LRMDA: variants seen among roughly 807,000 people sequenced by gnomAD.
The protein encoded by LRMDA is leucine rich melanocyte differentiation associated, also known as leucine-rich melanocyte differentiation-associated protein.
Under a neutral mutation model 29.8 loss-of-function variants are expected in LRMDA, and 18 were observed. The observed-to-expected ratio is 0.60, with a 90% CI of 0.42 to 0.90. The LOEUF (loss-of-function observed/expected upper bound fraction) is 0.90, where lower values mean the gene tolerates loss of function less well. Among genes scored for constraint, LRMDA ranks in the 40% least tolerant of loss-of-function variants. LRMDA has a pLI of 0.00. For synonymous variants in LRMDA, 125 were observed against 109.4 expected, an observed-to-expected ratio of 1.14 and a Z score of -0.89; for missense variants, 273 against 273.9, an observed-to-expected ratio of 1.00 and a Z score of 0.02.
intron 2 of LRMDA, among the ~76,000 whole-genome samples, chr10:75,797,924 A>C (rs968207466): frequency 1.3e-5 from 2 of 152,146 alleles, no homozygotes; most frequent in Non-Finnish European, 2.9e-5. Context: ...TGCATCTTAC[A>C]TTTATGCCAT....
intron 6 of LRMDA, among the ~76,000 whole-genome samples, chr10:76,535,512 C>A (rs1411167229): frequency 6.6e-6 from 1 of 152,072 alleles, no homozygotes; most frequent in East Asian, 1.9e-4. Context: ...GCCCATTATA[C>A]AGATTAATAA....
chr10:75,837,926 T>A (rs1844470057), intron 2 of LRMDA, among the ~76,000 whole-genome samples: 1 of 152,170 alleles, frequency 6.6e-6, no homozygotes. Context: ...TTAGTTAGCT[T>A]TTTTTGTTGT....
intron 2 of LRMDA, among the ~76,000 whole-genome samples, chr10:75,644,263 A>C (rs1841488521): frequency 6.6e-6 from 1 of 152,120 alleles, no homozygotes; most frequent in South Asian, 2.1e-4. Flanking sequence ...ACAAGGTTTG[A>C]AGGAGGATGA....
chr10:75,492,982 C>T (rs1028816039), intron 2 of LRMDA, among the ~76,000 whole-genome samples: 12 of 152,124 alleles, frequency 7.9e-5, no homozygotes, highest in African/African-American at 1.9e-4. Context: ...TGAGGCTTTC[C>T]GCTGCTGTAA....
At chr10:76,322,404 C>A (rs1840782439) in intron 5 of LRMDA, among the ~76,000 whole-genome samples, 1 of 152,178 alleles carries the variant, frequency 6.6e-6, no homozygotes, top group Non-Finnish European at 1.5e-5. Context: ...TTTGCAAAAT[C>A]ATTCTTTCCT....
At chr10:76,441,158 A>G (rs889975395) in intron 6 of LRMDA, among the ~76,000 whole-genome samples, 19 of 152,124 alleles carry the variant, frequency 1.2e-4, no homozygotes, top group African/African-American at 4.1e-4. Flanking sequence ...TGACTCTTTC[A>G]TCTTGGGAAG....
intron 2 of LRMDA, among the ~76,000 whole-genome samples, chr10:75,813,680 TTA>T: frequency 6.6e-6 from 1 of 152,242 alleles, no homozygotes; most frequent in East Asian, 1.9e-4. Flanking sequence ...TTTGTTTAGG[TTA>T]TATTTGTTGT....
At chr10:75,713,792 C>T (rs1842465854) in intron 2 of LRMDA, among the ~76,000 whole-genome samples, 1 of 152,036 alleles carries the variant, frequency 6.6e-6, no homozygotes. Flanking sequence ...ACTTTCCACC[C>T]CAGAATAAGG....
chr10:75,832,133 T>C (rs922034404), intron 2 of LRMDA, among the ~76,000 whole-genome samples: 4 of 152,228 alleles, frequency 2.6e-5, no homozygotes, highest in African/African-American at 9.6e-5. Context: ...TGGATTTTCT[T>C]TTTTACTGCA....
intron 3 of LRMDA, among the ~76,000 whole-genome samples, chr10:76,039,794 T>G (rs1848311756): frequency 6.6e-6 from 1 of 152,230 alleles, no homozygotes; most frequent in Non-Finnish European, 1.5e-5. Context: ...TTGAAGATTA[T>G]TCTAAGTATC....
chr10:76,418,242 G>C (rs1369860437), intron 6 of LRMDA, among the ~76,000 whole-genome samples: 1 of 151,978 alleles, frequency 6.6e-6, no homozygotes, highest in Non-Finnish European at 1.5e-5. Context: ...TTTGCAATGT[G>C]ACATCTTCTA....
intron 2 of LRMDA, among the ~76,000 whole-genome samples, chr10:75,478,718 T>TA (rs1844823739): frequency 6.6e-6 from 1 of 152,172 alleles, no homozygotes; most frequent in Non-Finnish European, 1.5e-5. Flanking sequence ...TTTTCAATAA[T>TA]ACATAAGGAT....
At position 76,276,843 on chromosome 10, in the gene LRMDA, C is replaced by T. The variant is rs541892102; in HGVS notation, c.517-47558C>T. Reference sequence around the variant, plus strand: ...AGACTATGGGTTCTGTCTTGCCTTTCGTGGGTTCCAATCTTGGTCCAGTTT... The same window carrying T: ...AGACTATGGGTTCTGTCTTGCCTTTTGTGGGTTCCAATCTTGGTCCAGTTT... On this transcript the variant is annotated intron_variant, in intron 5 of 6. Coordinates refer to ENST00000611255, the MANE Select transcript of LRMDA (RefSeq NM_001305581.2). Among the ~76,000 whole-genome samples, 117 of 152,216 alleles carry T rather than the reference C, an allele frequency of 7.7e-4. 1 individual carries two copies. Among genetic ancestry groups the T allele is most frequent in the African/African-American group, 2.6e-3 (106 of 41,540 alleles).
At chr10:76,147,732 C>T (rs1370111229) in intron 5 of LRMDA, among the ~76,000 whole-genome samples, 2 of 152,164 alleles carry the variant, frequency 1.3e-5, no homozygotes, top group Non-Finnish European at 2.9e-5. Context: ...TGGTGAGGAG[C>T]TGCGTTCCTT....
At chr10:76,012,604 T>C (rs914195982) in intron 2 of LRMDA, among the ~76,000 whole-genome samples, 1 of 152,106 alleles carries the variant, frequency 6.6e-6, no homozygotes, top group African/African-American at 2.4e-5. Context: ...TTATAAAGCA[T>C]AGGAACAAAG....
chr10:75,595,574 A>G (rs1564518308), intron 2 of LRMDA, among the ~76,000 whole-genome samples: 3 of 149,018 alleles, frequency 2.0e-5, no homozygotes. Flanking sequence ...TAATTATAAT[A>G]TATATAATTA....
chr10:75,783,477 C>T (rs2132245009), intron 2 of LRMDA, among the ~76,000 whole-genome samples: 1 of 142,810 alleles, frequency 7.0e-6, no homozygotes, highest in South Asian at 2.2e-4. Flanking sequence ...AGACTTACTG[C>T]TCAGAGGCAA....
intron 5 of LRMDA, among the ~76,000 whole-genome samples, chr10:76,134,424 A>C (rs1306840645): frequency 6.6e-6 from 1 of 152,126 alleles, no homozygotes; most frequent in African/African-American, 2.4e-5. Context: ...TGGCCTTAGG[A>C]CTAAGACCCC....
At chr10:75,870,462 T>C (rs909127788) in intron 2 of LRMDA, among the ~76,000 whole-genome samples, 2 of 152,222 alleles carry the variant, frequency 1.3e-5, no homozygotes, top group Admixed American at 6.5e-5. Context: ...GGAAACCCCA[T>C]TGCAAAAGAC....
Sources: allele counts gnomAD v4.1 joint callset (sites outside exome capture counted in the v4.1 genomes callset), GRCh38; gene constraint gnomAD v4.1.1; transcripts MANE v1.5; gene names NCBI Gene and HGNC (gene_info 2026-07-23, HGNC 2026-07-21).